Variants in JPH1 observed in about 807,000 individuals in gnomAD.
The protein encoded by JPH1 is junctophilin-1.
A neutral mutation model predicts 53.6 loss-of-function variants in JPH1; 12 were observed. The ratio of observed to expected loss-of-function variants is 0.22; its 90% CI spans 0.14 to 0.36. The LOEUF (loss-of-function observed/expected upper bound fraction) is 0.36, where lower values mean the gene tolerates loss of function less well. Among genes scored for constraint, JPH1 ranks in the 10% least tolerant of loss-of-function variants. The probability of loss-of-function intolerance (pLI) is 1.00; values close to 1 mark genes in which losing one functional copy is unlikely to be tolerated. For missense variants in JPH1, 808 were observed against 905.5 expected (o/e 0.89, Z 1.38); for synonymous variants, 375 against 363.8 (o/e 1.03, Z -0.35).
intron 4 of JPH1, among the ~76,000 whole-genome samples, chr8:74,242,312 G>C (rs1032487319): frequency 3.3e-5 from 5 of 152,094 alleles, no homozygotes; most frequent in Admixed American, 1.3e-4. Context: ...CATTTATTCT[G>C]CGCTAGGCAC....
At chr8:74,265,315 G>A (rs1806503588) in intron 2 of JPH1, among the ~76,000 whole-genome samples, 1 of 151,924 alleles carries the variant, frequency 6.6e-6, no homozygotes, top group Non-Finnish European at 1.5e-5. Flanking sequence ...TTTTAAGCTT[G>A]GAAAATAAGT....
intron 4 of JPH1, among the ~76,000 whole-genome samples, chr8:74,239,336 T>C (rs1805628348): frequency 6.6e-6 from 1 of 152,188 alleles, no homozygotes; most frequent in Non-Finnish European, 1.5e-5. Context: ...AGCTCCATGC[T>C]CTTTTCTCTA....
Position 74,314,912 on chromosome 8 carries a change from G to C in JPH1, c.1088C>G (p.Ala363Gly). 1 of 1,614,172 alleles carries C rather than the reference G, an allele frequency of 6.2e-7. No homozygotes were observed. Among genetic ancestry groups the C allele is most frequent in the Non-Finnish European group, 8.5e-7 (1 of 1,180,024 alleles). ...REKVDRAIEG[A>G]QRAAAMARTK... ...TCTGGCCATGGCAGCTGCCCTTTGG[G>C]CGCCTTCAATTGCTCTGTCCACCTT... The change falls in exon 2 of 6, where the codon GCC becomes GGC. Residue 363 changes from alanine to glycine, a missense_variant. Physicochemically the swap from Ala to Gly is moderately conservative, Grantham distance 60. Transcript: ENST00000342232.
At position 74,259,528 on chromosome 8, in the gene JPH1, T is replaced by A. The variant is rs767927615; in HGVS notation, c.1140-25A>T. ...CCTACACGGGGCACAAAAGGACGAG[T>A]CAGCATAGGTGACCCCTTGTTACTT... On this transcript the variant is annotated intron_variant, in intron 2 of 5. Transcript: ENST00000342232. 8 of 1,476,544 alleles carry A rather than the reference T, an allele frequency of 5.4e-6. No homozygotes were observed. In the Admixed American group the frequency reaches 1.1e-4, roughly 20 times the overall value. 91.5% of individuals were successfully genotyped at this position (1,476,544 alleles called of 1,614,324 possible).
intron 2 of JPH1, among the ~76,000 whole-genome samples, chr8:74,292,203 C>G (rs4571724): frequency 0.39 from 59,404 of 151,998 alleles, 12,275 homozygotes; most frequent in African/African-American, 0.53. Flanking sequence ...CAGAAAAAAA[C>G]GTTCTGAAAA....
At chr8:74,239,309 T>TA (rs1379114457) in intron 4 of JPH1, among the ~76,000 whole-genome samples, 1 of 152,200 alleles carries the variant, frequency 6.6e-6, no homozygotes, top group Non-Finnish European at 1.5e-5. Context: ...AATTAAGCTT[T>TA]AGTCTGGTCA....
intron 1 of JPH1, among the ~76,000 whole-genome samples, chr8:74,317,410 A>G (rs1028998081): frequency 3.9e-5 from 6 of 152,202 alleles, no homozygotes; most frequent in Admixed American, 3.9e-4. Context: ...GATTAACTCA[A>G]GAGGATAAGA....
intron 2 of JPH1, among the ~76,000 whole-genome samples, chr8:74,298,546 C>T (rs1217328397): frequency 1.3e-5 from 2 of 152,070 alleles, no homozygotes; most frequent in African/African-American, 4.8e-5. Flanking sequence ...TGCATAATAC[C>T]CTGGTTAGTG....
intron 2 of JPH1, among the ~76,000 whole-genome samples, chr8:74,275,136 G>A (rs568314980): frequency 2.8e-4 from 43 of 152,160 alleles, no homozygotes; most frequent in African/African-American, 9.9e-4. Flanking sequence ...TCTTAGAAAT[G>A]TTAAGTTAAA....
chr8:74,295,666 T>C (rs1225122617), intron 2 of JPH1, among the ~76,000 whole-genome samples: 2 of 152,130 alleles, frequency 1.3e-5, no homozygotes, highest in Non-Finnish European at 2.9e-5. Context: ...CTCAGTTTAA[T>C]AAGGTCCCAG....
chr8:74,303,617 T>A (rs927002583), intron 2 of JPH1, among the ~76,000 whole-genome samples: 4 of 152,140 alleles, frequency 2.6e-5, no homozygotes, highest in African/African-American at 9.7e-5. Context: ...AGGGTCTTGC[T>A]CTGTCACCCA....
intron 1 of JPH1, among the ~76,000 whole-genome samples, chr8:74,317,551 C>G (rs1001819041): frequency 6.6e-6 from 1 of 152,140 alleles, no homozygotes; most frequent in African/African-American, 2.4e-5. Context: ...TTTGCCTATA[C>G]AGGTAAAATT....
intron 2 of JPH1, among the ~76,000 whole-genome samples, chr8:74,289,776 T>C (rs1807270557): frequency 6.6e-6 from 1 of 152,252 alleles, no homozygotes. Flanking sequence ...GTTTTTAGCA[T>C]GAAGGGCTGC....
At chr8:74,295,887 CACTCAGG>C (rs1807495482) in intron 2 of JPH1, among the ~76,000 whole-genome samples, 2 of 152,086 alleles carry the variant, frequency 1.3e-5, no homozygotes, top group Admixed American at 1.3e-4. Context: ...TAGCTCAAAC[CACTCAGG>C]CGTTGCGTGT....
At position 74,320,807 on chromosome 8, in the gene JPH1, T is replaced by C. The variant is rs1048085162; in HGVS notation, c.379+102A>G. 1 of 1,332,856 alleles carries C rather than the reference T, an allele frequency of 7.5e-7. No individual in the cohort carries two copies. Among genetic ancestry groups the C allele is most frequent in the Non-Finnish European group, 9.7e-7 (1 of 1,029,050 alleles). The allele number at this position is 1,332,856 out of a possible 1,614,324, so 82.6% of individuals were successfully genotyped here. A position where few individuals can be genotyped will look rare whatever the true frequency, so the allele number is the denominator to read the frequency against. ...GCGCCCCCAGGTGTTTTGGCGGGTT[T>C]CCGGACACGTGCGCCCGGCGTCCTC... On this transcript the variant is annotated intron_variant, in intron 1 of 5. Coordinates refer to ENST00000342232, the MANE Select transcript of JPH1 (RefSeq NM_020647.4). This position sits in a 1 kb window ranked among gnomAD's most constrained non-coding sequence, Gnocchi z 4.4.
At chr8:74,311,836 CA>C (rs1808005904) in intron 2 of JPH1, among the ~76,000 whole-genome samples, 1 of 152,064 alleles carries the variant, frequency 6.6e-6, no homozygotes, top group Non-Finnish European at 1.5e-5. Context: ...CATGTCCCTA[CA>C]AAGGACATGA....
intron 2 of JPH1, among the ~76,000 whole-genome samples, chr8:74,290,634 A>C (rs181325190): frequency 2.5e-3 from 379 of 152,308 alleles, no homozygotes; most frequent in Middle Eastern, 0.014. Context: ...AAACTACTTT[A>C]AAGTTCATAT....
chr8:74,275,137 T>C (rs1806811318), intron 2 of JPH1, among the ~76,000 whole-genome samples: 1 of 152,174 alleles, frequency 6.6e-6, no homozygotes, highest in Non-Finnish European at 1.5e-5. Flanking sequence ...CTTAGAAATG[T>C]TAAGTTAAAA....
chr8:74,317,617 C>T (rs1187089792), intron 1 of JPH1, among the ~76,000 whole-genome samples: 1 of 152,158 alleles, frequency 6.6e-6, no homozygotes, highest in African/African-American at 2.4e-5. Flanking sequence ...AATAAACCAC[C>T]TTATTTTTAA....
Sources: gnomAD v4.1 joint callset for allele counts (sites outside exome capture counted in the v4.1 genomes callset) on GRCh38, gnomAD v4.1.1 for gene constraint, Gnocchi (gnomAD v3.1) non-coding constraint, MANE v1.5 for transcripts, NCBI Gene and HGNC (gene_info 2026-07-23, HGNC 2026-07-21) for gene names.